The following GALNTL6 variants were observed in gnomAD, a reference collection of about 807,000 sequenced individuals.
GALNTL6 encodes polypeptide N-acetylgalactosaminyltransferase like 6, also known as polypeptide N-acetylgalactosaminyltransferase-like 6.
Under a neutral mutation model 73.7 loss-of-function variants are expected in GALNTL6, and 46 were observed. That is an observed-to-expected ratio of 0.62 (90% CI 0.49 to 0.80). The LOEUF (loss-of-function observed/expected upper bound fraction) is 0.80. GALNTL6 is among the 30% of genes least tolerant of loss of function. The pLI is 0.00. For synonymous variants in GALNTL6, 259 were observed against 263.7 expected, an observed-to-expected ratio of 0.98 and a Z score of 0.17; for missense variants, 604 against 755.0, an observed-to-expected ratio of 0.80 and a Z score of 2.34.
At chr4:172,766,718 G>T (rs1738425790) in intron 5 of GALNTL6, among the ~76,000 whole-genome samples, 1 of 152,134 alleles carries the variant, frequency 6.6e-6, no homozygotes. Context: ...ATTGTTGCTG[G>T]TCTAGAGTAA....
chr4:172,146,532 A>C (rs1164811528), intron 2 of GALNTL6, among the ~76,000 whole-genome samples: 1 of 152,190 alleles, frequency 6.6e-6, no homozygotes, highest in African/African-American at 2.4e-5. Context: ...TTTTCTGCAT[A>C]ATTATTTGTT....
chr4:171,946,744 G>A (rs761877767), intron 2 of GALNTL6, among the ~76,000 whole-genome samples: 1 of 152,174 alleles, frequency 6.6e-6, no homozygotes, highest in Non-Finnish European at 1.5e-5. Flanking sequence ...GAAGAGTCAT[G>A]AGGGAAACAT....
chr4:172,115,121 C>T (rs1732952073), intron 2 of GALNTL6, among the ~76,000 whole-genome samples: 2 of 151,980 alleles, frequency 1.3e-5, no homozygotes, highest in African/African-American at 2.4e-5. Flanking sequence ...ATTCTTCTTC[C>T]TTTTGAGGAT....
chr4:172,387,745 CT>C (rs572402203), intron 5 of GALNTL6, among the ~76,000 whole-genome samples: 54 of 152,224 alleles, frequency 3.5e-4, no homozygotes, highest in African/African-American at 1.3e-3. Context: ...ATCTTGTCCC[CT>C]GTCTCTTCAC....
At chr4:172,350,718 C>T (rs1741911889) in intron 5 of GALNTL6, among the ~76,000 whole-genome samples, 1 of 152,078 alleles carries the variant, frequency 6.6e-6, no homozygotes, top group South Asian at 2.1e-4. Flanking sequence ...TTTTATAATA[C>T]ATCATAATTT....
At chr4:172,537,929 A>C (rs1381946932) in intron 5 of GALNTL6, among the ~76,000 whole-genome samples, 1 of 152,180 alleles carries the variant, frequency 6.6e-6, no homozygotes, top group African/African-American at 2.4e-5. Flanking sequence ...ACACTTGGTT[A>C]GGAAATGCTC....
chr4:172,298,993 G>C (rs551983503), intron 3 of GALNTL6, among the ~76,000 whole-genome samples: 3 of 152,108 alleles, frequency 2.0e-5, no homozygotes, highest in Non-Finnish European at 4.4e-5. Flanking sequence ...AATCCATCTG[G>C]TCCTGGACTT....
At chr4:172,115,958 C>T (rs1171786560) in intron 2 of GALNTL6, among the ~76,000 whole-genome samples, 2 of 151,508 alleles carry the variant, frequency 1.3e-5, no homozygotes, top group African/African-American at 4.9e-5. Context: ...CTCTTACAGA[C>T]AAAATTGAAT....
At chr4:171,869,505 C>G (rs1351973712) in intron 2 of GALNTL6, among the ~76,000 whole-genome samples, 1 of 152,076 alleles carries the variant, frequency 6.6e-6, no homozygotes, top group East Asian at 1.9e-4. Context: ...TCCCAGTATT[C>G]TGGATGTTTT....
chr4:172,658,339 C>T (rs1280424304), intron 5 of GALNTL6, among the ~76,000 whole-genome samples: 2 of 148,482 alleles, frequency 1.3e-5, no homozygotes, highest in Non-Finnish European at 1.5e-5. Context: ...TGGTGGCGGA[C>T]GCCTGTATTC....
chr4:172,951,893 C>T, intron 9 of GALNTL6, 144 bp from the exon 10 acceptor site: 1 of 616,020 alleles, frequency 1.6e-6, no homozygotes, highest in Non-Finnish European at 2.9e-6. Context: ...GTTACTAAAA[C>T]TCTCATTGTT....
intron 2 of GALNTL6, among the ~76,000 whole-genome samples, chr4:171,965,700 C>T (rs2111054718): frequency 6.8e-6 from 1 of 146,558 alleles, no homozygotes; most frequent in East Asian, 2.0e-4. Context: ...GGGATAATAC[C>T]ATATGAATTA....
intron 7 of GALNTL6, among the ~76,000 whole-genome samples, chr4:172,847,007 T>A (rs1053996276): frequency 4.6e-5 from 7 of 152,146 alleles, no homozygotes; most frequent in African/African-American, 1.7e-4. Flanking sequence ...GTTCCTGACA[T>A]AGGTTTTTGA....
chr4:172,302,416 G>A (rs998446885), intron 3 of GALNTL6, among the ~76,000 whole-genome samples: 1 of 152,262 alleles, frequency 6.6e-6, no homozygotes, highest in Middle Eastern at 3.4e-3. Flanking sequence ...GATGCACCCA[G>A]TACCTCAGTT....
At chr4:172,230,116 G>A (rs1469888711) in intron 3 of GALNTL6, among the ~76,000 whole-genome samples, 1 of 152,078 alleles carries the variant, frequency 6.6e-6, no homozygotes, top group Non-Finnish European at 1.5e-5. Context: ...TAGAGCTGAA[G>A]TGTATCTAAC....
chr4:172,965,738 C>T (rs1750298151), intron 10 of GALNTL6, among the ~76,000 whole-genome samples: 1 of 151,854 alleles, frequency 6.6e-6, no homozygotes, highest in Admixed American at 6.6e-5. Flanking sequence ...CCGAGTTAAC[C>T]AATATTTTTT....
chr4:172,604,110 C>G lies in GALNTL6; in HGVS notation c.554-205251C>G, dbSNP rs145348152. Among the ~76,000 whole-genome samples the G allele has an allele frequency of 7.5e-3, 1,149 of 152,258 alleles. 21 individuals are homozygous for G. Among genetic ancestry groups the G allele is most frequent in the African/African-American group, 0.026 (1,090 of 41,552 alleles). On this transcript the variant is annotated intron_variant, in intron 5 of 12. Transcript: ENST00000506823. ...ATCATGCTATGTCAAGAAAGATTTT[C>G]ATAATATGATTTTTTATCATTCTTT... is the stretch of plus-strand genomic sequence containing the variant.
intron 5 of GALNTL6, among the ~76,000 whole-genome samples, chr4:172,742,912 C>A (rs995632174): frequency 6.6e-6 from 1 of 151,994 alleles, no homozygotes; most frequent in Non-Finnish European, 1.5e-5. Flanking sequence ...CCTCCTTACA[C>A]AGTTTACTGC....
chr4:171,994,516 G>A (rs141672665), intron 2 of GALNTL6, among the ~76,000 whole-genome samples: 31 of 152,144 alleles, frequency 2.0e-4, no homozygotes, highest in African/African-American at 6.7e-4. Flanking sequence ...GGGACTTAGA[G>A]AGGAAGGTTG....
Sources: gnomAD v4.1 joint callset for allele counts (sites outside exome capture counted in the v4.1 genomes callset) on GRCh38, gnomAD v4.1.1 for gene constraint, MANE v1.5 for transcripts, NCBI Gene and HGNC (gene_info 2026-07-23, HGNC 2026-07-21) for gene names.